SLIT3: variants seen among roughly 807,000 people sequenced by gnomAD.
The protein encoded by SLIT3 is slit homolog 3 protein.
A neutral mutation model predicts 184.0 loss-of-function variants in SLIT3; 68 were observed. The observed-to-expected ratio is 0.37, with a 90% CI of 0.30 to 0.45. SLIT3 has a LOEUF of 0.45. Ranked by LOEUF, SLIT3 falls within the 20% of genes least tolerant of loss-of-function variation. The pLI is 1.00. For synonymous variants in SLIT3, 831 were observed against 828.6 expected, an observed-to-expected ratio of 1.00 and a Z score of -0.05; for missense variants, 1,707 against 2,026.0, an observed-to-expected ratio of 0.84 and a Z score of 3.02.
chr5:168,708,017 G>A lies in SLIT3; in HGVS notation c.2803C>T (p.Pro935Ser), dbSNP rs749901492. Residue 935 changes from proline (P) to serine (S), a missense_variant, in exon 26 of 36, where the codon CCT becomes TCT. By Grantham distance (74) the Pro-to-Ser change is moderately conservative. Around this residue, in one of 3 missense-constraint regions of SLIT3, gnomAD observed 1,307 missense variants for 1,511.6 expected, o/e 0.86. Coordinates refer to ENST00000519560, the MANE Select transcript of SLIT3 (RefSeq NM_003062.4). ...CAGGCACAGCGGTACAGCTCCACAG[G>A]GTCCTGGGTGCATGTCCCGTTATTC... ...CKNNGTCTQDPVELYRCACPY... is the reference protein window; with the variant it reads ...CKNNGTCTQDSVELYRCACPY... 3.7e-6 allele frequency: 6 copies of A among 1,614,084 alleles called. No homozygotes were observed. In the African/African-American group the frequency reaches 8.0e-5, roughly 22 times the overall value.
At chr5:169,161,473 C>T (rs960782031) in intron 4 of SLIT3, among the ~76,000 whole-genome samples, 8 of 152,142 alleles carry the variant, frequency 5.3e-5, no homozygotes, top group Admixed American at 1.3e-4. Flanking sequence ...ATTACTGACC[C>T]GCATCCTGCC....
intron 4 of SLIT3, among the ~76,000 whole-genome samples, chr5:169,185,434 A>G (rs1488936398): frequency 6.6e-6 from 1 of 152,190 alleles, no homozygotes; most frequent in Non-Finnish European, 1.5e-5. Flanking sequence ...AGCTTCAGGC[A>G]GGGGGGCAGC....
rs3138760 is a variant in SLIT3, at chr5:169,015,931, A to AACACAC, written c.414-132601_414-132596dup. 3.0e-3 allele frequency among the ~76,000 whole-genome samples: 361 copies of AACACAC among 120,378 alleles called. 3 individuals are homozygous for AACACAC. The highest frequency in any genetic ancestry group is 4.1e-3 in the African/African-American group (133 of 32,612). The allele number at this position is 120,378 out of a possible 152,430, so 79.0% of individuals were successfully genotyped here. On this transcript the variant is annotated intron_variant, in intron 4 of 35. Coordinates refer to ENST00000519560, the MANE Select transcript of SLIT3 (RefSeq NM_003062.4). ...TGAGATTCTGACTCAGAAAAATATAAACACACACACACACACACACACACA... is the reference window on the plus strand; with the variant it reads ...TGAGATTCTGACTCAGAAAAATATAAACACACACACACACACACACACACACACACA...
At chr5:168,710,681 A>G (rs1452047689) in intron 25 of SLIT3, among the ~76,000 whole-genome samples, 4 of 152,196 alleles carry the variant, frequency 2.6e-5, no homozygotes, top group Non-Finnish European at 4.4e-5. Flanking sequence ...ATGTGTGGCA[A>G]TGCCAGCAGG....
intron 27 of SLIT3, 133 bp from the exon 28 acceptor site, chr5:168,696,564 T>G: frequency 9.9e-7 from 1 of 1,015,124 alleles, no homozygotes; most frequent in East Asian, 2.6e-5. Context: ...AGAAAGCACT[T>G]TGGACACATG....
intron 3 of SLIT3, among the ~76,000 whole-genome samples, chr5:169,214,889 T>C (rs574120731): frequency 6.6e-6 from 1 of 152,250 alleles, no homozygotes; most frequent in Admixed American, 6.5e-5. Flanking sequence ...TATGCATCTT[T>C]AAATATGTCT....
intron 4 of SLIT3, among the ~76,000 whole-genome samples, chr5:169,002,134 T>G (rs1755724290): frequency 6.6e-6 from 1 of 151,392 alleles, no homozygotes; most frequent in Non-Finnish European, 1.5e-5. Flanking sequence ...GTGAACATGG[T>G]GAAACCCCAT....
At chr5:168,785,333 A>C (rs112810984) in intron 12 of SLIT3, among the ~76,000 whole-genome samples, 1 of 152,238 alleles carries the variant, frequency 6.6e-6, no homozygotes, top group African/African-American at 2.4e-5. Context: ...AGAATGAAAT[A>C]AATGCAAACA....
At chr5:169,188,586 T>C (rs1329507511) in intron 4 of SLIT3, among the ~76,000 whole-genome samples, 1 of 152,138 alleles carries the variant, frequency 6.6e-6, no homozygotes, top group Non-Finnish European at 1.5e-5. Flanking sequence ...AACCCTCCTC[T>C]AATTTGGAGA....
chr5:169,251,410 C>T lies in SLIT3; in HGVS notation c.247G>A (p.Gly83Arg), dbSNP rs756611623. 39 of 1,613,280 alleles carry T rather than the reference C, an allele frequency of 2.4e-5. No individual in the cohort carries two copies. Among genetic ancestry groups the T allele is most frequent in the Non-Finnish European group, 3.3e-5 (39 of 1,179,398 alleles). The change falls in exon 2 of 36, where the codon GGG (glycine) becomes AGG (arginine). Residue 83 changes from glycine (G) to arginine (R), a missense_variant. Physicochemically the swap from Gly to Arg is moderately radical, Grantham distance 125. Transcript: ENST00000519560. ...TACAAGACTCGGAGGTTCTTGAGCC[C>T]AGCGAAGTCCATCTTGGTGATCCTG... Reference protein sequence around the residue: ...ITRITKMDFAGLKNLRVLHLE... With the variant: ...ITRITKMDFARLKNLRVLHLE...
At chr5:168,976,392 A>T (rs1754762922) in intron 4 of SLIT3, among the ~76,000 whole-genome samples, 3 of 152,218 alleles carry the variant, frequency 2.0e-5, no homozygotes, top group Admixed American at 2.0e-4. Flanking sequence ...GGGGCCACAG[A>T]TGCTATGCAT....
intron 3 of SLIT3, among the ~76,000 whole-genome samples, chr5:169,210,891 A>G (rs778899338): frequency 1.3e-5 from 2 of 152,210 alleles, no homozygotes; most frequent in Non-Finnish European, 2.9e-5. Flanking sequence ...TGGGAAGTAT[A>G]TATTTCCATG....
At chr5:168,939,516 T>C (rs1280370425) in intron 4 of SLIT3, among the ~76,000 whole-genome samples, 1 of 152,206 alleles carries the variant, frequency 6.6e-6, no homozygotes, top group Non-Finnish European at 1.5e-5. Flanking sequence ...GCAAACAAGA[T>C]AGAGGAAGAC....
chr5:169,268,077 G>A (rs1766460463), intron 1 of SLIT3, among the ~76,000 whole-genome samples: 1 of 152,214 alleles, frequency 6.6e-6, no homozygotes, highest in Non-Finnish European at 1.5e-5. Context: ...AGTGAGTTCA[G>A]GCTGAGCTGT....
At chr5:168,675,722 A>C (rs1400478258) in intron 32 of SLIT3, among the ~76,000 whole-genome samples, 4 of 152,132 alleles carry the variant, frequency 2.6e-5, no homozygotes, top group Admixed American at 6.5e-5. Flanking sequence ...ACAACAACAA[A>C]AGAGCGCTTT....
chr5:169,216,622 C>A (rs769711743), intron 3 of SLIT3, among the ~76,000 whole-genome samples: 3 of 152,146 alleles, frequency 2.0e-5, no homozygotes, highest in Non-Finnish European at 4.4e-5. Flanking sequence ...TAATGTTAAA[C>A]CCCAAAGGGC....
At chr5:168,897,437 G>GAGAGGGAGAGAAAGACAGTTAA (rs1463751693) in intron 4 of SLIT3, among the ~76,000 whole-genome samples, 18 of 152,126 alleles carry the variant, frequency 1.2e-4, no homozygotes, top group Non-Finnish European at 2.9e-5. Context: ...GAGAGACAGA[G>GAGAGGGAGAGAAAGACAGTTAA]AGAGGGAGAG....
chr5:169,022,574 C>T (rs531480668), intron 4 of SLIT3, among the ~76,000 whole-genome samples: 31 of 152,254 alleles, frequency 2.0e-4, no homozygotes, highest in African/African-American at 7.5e-4. Flanking sequence ...CTATGTTTGC[C>T]TTGTACAAAA....
At chr5:168,990,693 T>G (rs1755287860) in intron 4 of SLIT3, among the ~76,000 whole-genome samples, 1 of 152,138 alleles carries the variant, frequency 6.6e-6, no homozygotes, top group South Asian at 2.1e-4. Context: ...CAGGGGAACC[T>G]TCTGTCGAAT....
Sources: allele counts gnomAD v4.1 joint callset (sites outside exome capture counted in the v4.1 genomes callset), GRCh38; gene constraint gnomAD v4.1.1; regional missense constraint gnomAD v4.1.1; transcripts MANE v1.5; gene names NCBI Gene and HGNC (gene_info 2026-07-23, HGNC 2026-07-21).